SLC35F1: variants seen among roughly 807,000 people sequenced by gnomAD.
SLC35F1 encodes the protein chromosome 6 open reading frame 169.
Under a neutral mutation model 48.7 loss-of-function variants are expected in SLC35F1, and 14 were observed. The observed-to-expected ratio is 0.29, with a 90% CI of 0.19 to 0.45. The LOEUF (loss-of-function observed/expected upper bound fraction) is 0.45, where lower values mean the gene tolerates loss of function less well. SLC35F1 is among the 20% of genes least tolerant of loss of function. The probability of loss-of-function intolerance (pLI) is 1.00; values close to 1 mark genes in which losing one functional copy is unlikely to be tolerated. For synonymous variants in SLC35F1, 190 were observed against 202.2 expected (o/e 0.94, Z 0.51); for missense variants, 404 against 500.0 (o/e 0.81, Z 1.83).
intron 1 of SLC35F1, among the ~76,000 whole-genome samples, chr6:117,968,548 C>T (rs562449972): frequency 1.5e-4 from 23 of 152,230 alleles, no homozygotes; most frequent in African/African-American, 5.5e-4. Flanking sequence ...TATTTTTATA[C>T]AAATTGTGCA....
intron 3 of SLC35F1, among the ~76,000 whole-genome samples, chr6:118,244,987 C>G (rs1179280543): frequency 6.6e-6 from 1 of 152,162 alleles, no homozygotes; most frequent in Non-Finnish European, 1.5e-5. Context: ...TTTATTCACA[C>G]AGGACACAGG....
At chr6:118,043,399 G>A (rs1772255503) in intron 1 of SLC35F1, among the ~76,000 whole-genome samples, 2 of 151,662 alleles carry the variant, frequency 1.3e-5, no homozygotes, top group African/African-American at 4.9e-5. Flanking sequence ...TTTTGAATAA[G>A]GATTTATATT....
chr6:118,133,135 TGACACTTGAAAGGATATTTTCCTA>T (rs1433556271), intron 1 of SLC35F1, among the ~76,000 whole-genome samples: 2 of 152,206 alleles, frequency 1.3e-5, no homozygotes, highest in Non-Finnish European at 2.9e-5. Flanking sequence ...GGTTTCTGCA[TGACACTTGAAAGGATATTTTCCTA>T]GAATCAGTAA....
chr6:118,204,172 G>C (rs1203821400), intron 2 of SLC35F1, among the ~76,000 whole-genome samples: 1 of 151,844 alleles, frequency 6.6e-6, no homozygotes, highest in African/African-American at 2.4e-5. Context: ...GGGACAGCCA[G>C]GGAGCCCAGC....
intron 7 of SLC35F1, among the ~76,000 whole-genome samples, chr6:118,306,255 T>G (rs1242572030): frequency 6.7e-6 from 1 of 148,218 alleles, no homozygotes. Flanking sequence ...GACCTTAAAT[T>G]TTTAAGATCA....
intron 7 of SLC35F1, among the ~76,000 whole-genome samples, chr6:118,297,690 AT>A (rs375778375): frequency 1.8e-5 from 2 of 113,808 alleles, no homozygotes; most frequent in South Asian, 2.6e-4. Flanking sequence ...AGAAATATAT[AT>A]TATATATATA....
At chr6:117,977,895 T>C (rs1373830222) in intron 1 of SLC35F1, among the ~76,000 whole-genome samples, 1 of 152,136 alleles carries the variant, frequency 6.6e-6, no homozygotes, top group Non-Finnish European at 1.5e-5. Flanking sequence ...TTTAGCTTCA[T>C]TTAGTAATGG....
intron 1 of SLC35F1, among the ~76,000 whole-genome samples, chr6:118,150,816 C>T (rs927788438): frequency 1.4e-4 from 22 of 152,096 alleles, no homozygotes; most frequent in African/African-American, 5.3e-4. Flanking sequence ...TACATGGTGA[C>T]TATATCAAAT....
At chr6:118,033,202 TGCATTTTATTGAATG>T (rs200926274) in intron 1 of SLC35F1, among the ~76,000 whole-genome samples, 2,213 of 152,266 alleles carry the variant, frequency 0.015, 62 homozygotes, top group African/African-American at 0.05. Flanking sequence ...TATGCTCATT[TGCATTTTATTGAATG>T]GCATTTTATT....
intron 1 of SLC35F1, among the ~76,000 whole-genome samples, chr6:118,050,205 G>C (rs937378211): frequency 6.6e-6 from 1 of 151,980 alleles, no homozygotes; most frequent in Non-Finnish European, 1.5e-5. Flanking sequence ...TCACACTCCA[G>C]GGACTGTTGT....
intron 1 of SLC35F1, among the ~76,000 whole-genome samples, chr6:118,137,221 C>T (rs999853412): frequency 6.6e-6 from 1 of 152,184 alleles, no homozygotes; most frequent in Non-Finnish European, 1.5e-5. Context: ...ACCAAAGGAA[C>T]TAAGAACCTT....
intron 1 of SLC35F1, among the ~76,000 whole-genome samples, chr6:118,013,863 A>T (rs1777284906): frequency 6.6e-6 from 1 of 152,224 alleles, no homozygotes; most frequent in Non-Finnish European, 1.5e-5. Flanking sequence ...CCACTTACAT[A>T]GAGAATTTCT....
chr6:117,960,370 T>C (rs111430353), intron 1 of SLC35F1, among the ~76,000 whole-genome samples: 7 of 151,922 alleles, frequency 4.6e-5, no homozygotes, highest in African/African-American at 1.7e-4. Context: ...TCTCACATTC[T>C]TAACCCCATT....
At chr6:118,232,548 CA>C (rs771123566) in intron 2 of SLC35F1, among the ~76,000 whole-genome samples, 1,684 of 50,662 alleles carry the variant, frequency 0.033, 13 homozygotes, top group East Asian at 0.065. Flanking sequence ...AACTCCATCC[CA>C]AAAAAAAAAA....
intron 1 of SLC35F1, among the ~76,000 whole-genome samples, chr6:118,096,690 C>T (rs1773180967): frequency 6.6e-6 from 1 of 152,130 alleles, no homozygotes; most frequent in African/African-American, 2.4e-5. Flanking sequence ...TTCAGTTAGC[C>T]AAGGGAGATA....
chr6:118,295,539 C>T (rs1008755083), intron 7 of SLC35F1, among the ~76,000 whole-genome samples: 11 of 152,130 alleles, frequency 7.2e-5, no homozygotes, highest in Non-Finnish European at 1.5e-4. Context: ...GCCAAGCAAC[C>T]CTGTTGATCC....
chr6:117,913,967 C>G (rs1199485245), intron 1 of SLC35F1, among the ~76,000 whole-genome samples: 1 of 152,136 alleles, frequency 6.6e-6, no homozygotes. Context: ...ACGAGAACCA[C>G]TTGCACCCAG....
Position 117,959,250 on chromosome 6 carries a change from A to G in SLC35F1, c.173+51351A>G, listed in dbSNP as rs553570622. ...TTTCCTAACATTGTAAGTCCCTTAA[A>G]TGGGTATAGTAGTGCACTCTGAGCA... On this transcript the variant is annotated intron_variant, in intron 1 of 7. Coordinates refer to ENST00000360388, the MANE Select transcript of SLC35F1 (RefSeq NM_001029858.4). Among the ~76,000 whole-genome samples the G allele has an allele frequency of 5.9e-5, 9 of 152,328 alleles. No homozygotes were observed. In the South Asian group the frequency reaches 1.9e-3, roughly 32 times the overall value.
chr6:117,930,266 C>A (rs1173122670), intron 1 of SLC35F1, among the ~76,000 whole-genome samples: 2 of 152,148 alleles, frequency 1.3e-5, no homozygotes, highest in East Asian at 1.9e-4. Flanking sequence ...CTGGACTCTA[C>A]ATTTTGCTCC....
Sources: allele counts gnomAD v4.1 joint callset (sites outside exome capture counted in the v4.1 genomes callset), GRCh38; gene constraint gnomAD v4.1.1; transcripts MANE v1.5; gene names NCBI Gene and HGNC (gene_info 2026-07-23, HGNC 2026-07-21).